SAMD3: variants seen among roughly 807,000 people sequenced by gnomAD.
The protein encoded by SAMD3 is sterile alpha motif domain-containing protein 3.
In SAMD3, 63 loss-of-function variants were observed where a neutral mutation model predicts 58.5. That is an observed-to-expected ratio of 1.08 (90% confidence interval 0.88 to 1.33). The LOEUF is 1.33. Ranked by LOEUF, SAMD3 falls within the 40% of genes most tolerant of loss-of-function variation. The pLI, the probability that SAMD3 is intolerant of heterozygous loss-of-function variation, is 0.00. For synonymous variants in SAMD3, 220 were observed against 210.3 expected, an observed-to-expected ratio of 1.05 and a Z score of -0.40; for missense variants, 604 against 608.4, an observed-to-expected ratio of 0.99 and a Z score of 0.08.
intron 5 of SAMD3, among the ~76,000 whole-genome samples, chr6:130,204,293 T>A (rs1279678659): frequency 6.6e-6 from 1 of 152,002 alleles, no homozygotes; most frequent in Non-Finnish European, 1.5e-5. Context: ...AGAATAACAC[T>A]GCAAAAAAAG....
Position 130,175,954 on chromosome 6 carries a change from C to T in SAMD3, c.709G>A (p.Glu237Lys), listed in dbSNP as rs1207074743. The T allele has an allele frequency of 6.2e-7, 1 of 1,613,642 alleles. No homozygotes were observed. The highest frequency in any genetic ancestry group is 1.1e-5 in the South Asian group (1 of 91,076). Residue 237 changes from glutamate (E) to lysine (K), a missense_variant, in exon 8 of 12, where the codon GAA becomes AAA. Transcript: ENST00000439090. The stretch of plus-strand genomic sequence containing the variant: ...TTTCTAATCACTTGCTCATCATCTT[C>T]TATGGGTCTTCGAACATATTTAAAG... ...DRFKYVRRPI[E>K]DDEQVIRNKC...
At chr6:130,200,279 C>T (rs117182240) in intron 5 of SAMD3, among the ~76,000 whole-genome samples, 3,787 of 151,574 alleles carry the variant, frequency 0.025, 68 homozygotes, top group Middle Eastern at 0.041. Context: ...CTCATTCATG[C>T]GCCTGTAATC....
intron 2 of SAMD3, among the ~76,000 whole-genome samples, chr6:130,251,770 G>A (rs1029306380): frequency 2.0e-5 from 3 of 152,030 alleles, no homozygotes; most frequent in African/African-American, 7.2e-5. Context: ...CTGTAGCTTC[G>A]TAGCAAGTTT....
chr6:130,268,789 T>C (rs1322172234), intron 2 of SAMD3, among the ~76,000 whole-genome samples: 2 of 152,168 alleles, frequency 1.3e-5, no homozygotes, highest in African/African-American at 4.8e-5. Context: ...GTTCACACAA[T>C]GACAAAACCA....
intron 1 of SAMD3, among the ~76,000 whole-genome samples, chr6:130,324,078 A>G (rs1171391853): frequency 6.6e-6 from 1 of 152,190 alleles, no homozygotes; most frequent in African/African-American, 2.4e-5. Context: ...ATGATTCAAA[A>G]TAGAACACTT....
chr6:130,236,955 A>G (rs1773172331), intron 2 of SAMD3, among the ~76,000 whole-genome samples: 1 of 152,214 alleles, frequency 6.6e-6, no homozygotes, highest in Non-Finnish European at 1.5e-5. Flanking sequence ...ATTTCATTGC[A>G]ATCAATAAAA....
chr6:130,307,632 T>C (rs1775950859), intron 2 of SAMD3, among the ~76,000 whole-genome samples: 1 of 152,192 alleles, frequency 6.6e-6, no homozygotes, highest in Non-Finnish European at 1.5e-5. Context: ...ATCAAATAAC[T>C]ATGATCCTCA....
At chr6:130,246,849 G>A (rs374657338) in intron 2 of SAMD3, among the ~76,000 whole-genome samples, 14 of 151,994 alleles carry the variant, frequency 9.2e-5, no homozygotes, top group East Asian at 1.9e-4. Flanking sequence ...AGATTGTGCC[G>A]TTGCACTCCA....
intron 3 of SAMD3, among the ~76,000 whole-genome samples, chr6:130,214,728 A>C (rs574496372): frequency 5.3e-5 from 8 of 152,292 alleles, no homozygotes; most frequent in Non-Finnish European, 1.0e-4. Context: ...AAAGTACCAG[A>C]ACATGGAATC....
chr6:130,209,134 A>G (rs552863853), intron 5 of SAMD3, among the ~76,000 whole-genome samples: 10 of 152,038 alleles, frequency 6.6e-5, no homozygotes, highest in Non-Finnish European at 1.2e-4. Flanking sequence ...TACAAAATTC[A>G]AAACAAAAAC....
chr6:130,206,175 G>C (rs1338860846), intron 5 of SAMD3, among the ~76,000 whole-genome samples: 2 of 152,200 alleles, frequency 1.3e-5, no homozygotes, highest in African/African-American at 4.8e-5. Context: ...TTGCCCAGGA[G>C]GGGACACCTG....
At chr6:130,291,330 C>T (rs1775354064) in intron 2 of SAMD3, among the ~76,000 whole-genome samples, 1 of 152,178 alleles carries the variant, frequency 6.6e-6, no homozygotes, top group Admixed American at 6.5e-5. Flanking sequence ...GTCTCAAACT[C>T]CTGACCTCAG....
chr6:130,240,883 G>A (rs1371214628), intron 2 of SAMD3, among the ~76,000 whole-genome samples: 2 of 152,112 alleles, frequency 1.3e-5, no homozygotes, highest in African/African-American at 2.4e-5. Context: ...TATAAATTAC[G>A]CAGTCTCAAG....
intron 9 of SAMD3, among the ~76,000 whole-genome samples, chr6:130,146,978 G>T (rs1488564359): frequency 8.1e-6 from 1 of 124,186 alleles, no homozygotes; most frequent in African/African-American, 3.0e-5. Context: ...TGTCTCAAAA[G>T]AAAAGAAAGA....
intron 1 of SAMD3, among the ~76,000 whole-genome samples, chr6:130,345,561 G>A (rs996738120): frequency 1.3e-5 from 2 of 152,092 alleles, no homozygotes; most frequent in South Asian, 2.1e-4. Context: ...TGGGGGACAT[G>A]GGGATAAGGA....
intron 2 of SAMD3, among the ~76,000 whole-genome samples, chr6:130,310,923 C>T (rs1043189369): frequency 6.6e-6 from 1 of 152,152 alleles, no homozygotes; most frequent in Non-Finnish European, 1.5e-5. Flanking sequence ...ATGATTAAAA[C>T]TGAAATCACA....
upstream of SAMD3, among the ~76,000 whole-genome samples, chr6:130,224,650 C>G (rs1388407553): frequency 6.7e-6 from 1 of 150,202 alleles, no homozygotes; most frequent in Non-Finnish European, 1.5e-5. Context: ...ATGGAGTCTC[C>G]CTTTGTCACC....
intron 2 of SAMD3, among the ~76,000 whole-genome samples, chr6:130,293,118 G>T (rs2114965616): frequency 6.6e-6 from 1 of 152,288 alleles, no homozygotes; most frequent in East Asian, 1.9e-4. Context: ...TTCACAATTT[G>T]GTTAACGGGA....
chr6:130,252,841 TG>T (rs1217331184), intron 2 of SAMD3, among the ~76,000 whole-genome samples: 7 of 152,208 alleles, frequency 4.6e-5, no homozygotes, highest in Non-Finnish European at 8.8e-5. Context: ...CCTGGAATTT[TG>T]GTGTTACATT....
Sources: allele counts gnomAD v4.1 joint callset (sites outside exome capture counted in the v4.1 genomes callset), GRCh38; gene constraint gnomAD v4.1.1; transcripts MANE v1.5; gene names NCBI Gene and HGNC (gene_info 2026-07-23, HGNC 2026-07-21).